NLRP10: variants seen among roughly 807,000 people sequenced by gnomAD.
NLRP10 encodes NLR family pyrin domain containing 10.
Under a neutral mutation model 8.2 loss-of-function variants are expected in NLRP10, and 7 were observed. The ratio of observed to expected loss-of-function variants is 0.85; its 90% CI spans 0.48 to 1.60. The LOEUF is 1.60. NLRP10 is among the 40% of genes most tolerant of loss of function. The pLI is 0.00. For synonymous variants in NLRP10, 338 were observed against 314.0 expected (o/e 1.08, Z -0.81); for missense variants, 814 against 776.3 (o/e 1.05, Z -0.58).
rs765060448 is a variant in NLRP10, at chr11:7,963,312, T to C, written c.184A>G (p.Ile62Val). Residue 62 changes from isoleucine to valine, a missense_variant, in exon 2 of 3, where the codon ATT (isoleucine) becomes GTT (valine). Transcript: ENST00000691676. ...LIPVDLAELL[I>V]SKYGEKEAVK... ...GCCTCCTTTTCTCCATACTTTGAAA[T>C]CAGTAATTCTGCCAGGTCCACCGGA... The C allele has an allele frequency of 3.1e-6, 5 of 1,614,208 alleles. No homozygotes were observed. The highest frequency in any genetic ancestry group is 4.2e-6 in the Non-Finnish European group (5 of 1,180,032).
In NLRP10 at chr11:7,960,357, C is replaced by T. The variant is rs1236333770; in HGVS notation, c.1255G>A (p.Glu419Lys). The T allele has an allele frequency of 6.2e-7, 1 of 1,614,100 alleles. No individual in the cohort carries two copies. The highest frequency in any genetic ancestry group is 1.7e-5 in the Admixed American group (1 of 60,036). ...AGGAACCTCTGGTGCTGAATCCCTT[C>T]AGCTGCTAGGGAGCACAGACTCCTC... ...VLRSLCSLAA[E>K]GIQHQRFLFE... Residue 419 changes from glutamate (E) to lysine (K), a missense_variant, in exon 3 of 3, where the codon GAA becomes AAA. Glu to Lys is a moderately conservative substitution (Grantham distance 56). Coordinates refer to ENST00000691676, the MANE Select transcript of NLRP10 (RefSeq NM_001391958.1).
chr11:7,961,570 G>A (rs935018140), intron 2 of NLRP10, among the ~76,000 whole-genome samples: 1 of 152,206 alleles, frequency 6.6e-6, no homozygotes, highest in Non-Finnish European at 1.5e-5. Flanking sequence ...GGATAGTTGT[G>A]CATGAATGCT....
Position 7,963,599 on chromosome 11 carries a change from G to C in NLRP10, c.-45-59C>G. On this transcript the variant is annotated intron_variant, in intron 1 of 2. Coordinates refer to ENST00000691676, the MANE Select transcript of NLRP10 (RefSeq NM_001391958.1). ...TGAGAGGCCCACCCTGCTTTCTGGG[G>C]GCTTGGCCAAGTTATAGAGCGGAGG... The C allele has an allele frequency of 8.5e-6, 9 of 1,054,988 alleles. No individual in the cohort carries two copies. The South Asian group carries it at 1.5e-4, about 17-fold the overall frequency. The allele number at this position is 1,054,988 out of a possible 1,614,324, so 65.4% of individuals were successfully genotyped here. A position where few individuals can be genotyped will look rare whatever the true frequency, so the allele number is the denominator to read the frequency against.
At position 7,961,248 on chromosome 11, in the gene NLRP10, T is replaced by C; in HGVS notation, c.364A>G (p.Asn122Asp). 6.2e-7 allele frequency: 1 copy of C among 1,612,806 alleles called. No individual in the cohort carries two copies. Among genetic ancestry groups the C allele is most frequent in the Non-Finnish European group, 8.5e-7 (1 of 1,179,208 alleles). ...WQEAGVNGRYNQVLLVAKPSS... is the reference protein window; with the variant it reads ...WQEAGVNGRYDQVLLVAKPSS... ...GGCTTGGCCACCAGGAGCACCTGGT[T>C]GTATCTGCCATTGACTCCTGCTTCC... Residue 122 changes from asparagine to aspartate, a missense_variant, in exon 3 of 3, where the codon AAC becomes GAC. Asn to Asp is a conservative substitution (Grantham distance 23, BLOSUM62 1). Transcript: ENST00000691676.
rs1381182659 is a variant in NLRP10, at chr11:7,960,573, G to T, written c.1039C>A (p.Leu347Ile). The change falls in exon 3 of 3, where the codon CTC becomes ATC. Residue 347 changes from leucine to isoleucine, a missense_variant. Transcript: ENST00000691676. ...CCTGGAACCTGACACGCTTTGTAGA[G>T]AATGTCATTTTTCTGTACAATGTCG... is the stretch of plus-strand genomic sequence containing the variant. ...AFDIVQKNDILYKACQVPGIC... is the reference protein window; with the variant it reads ...AFDIVQKNDIIYKACQVPGIC... 3 of 1,614,182 alleles carry T rather than the reference G, an allele frequency of 1.9e-6. No homozygotes were observed. In the East Asian group the frequency reaches 6.7e-5, roughly 36 times the overall value.
In NLRP10 at chr11:7,957,592, T is replaced by C. The variant is rs1941639808; in HGVS notation, c.*2052A>G. Among the ~76,000 whole-genome samples the C allele has an allele frequency of 6.6e-6, 1 of 152,246 alleles. No homozygotes were observed. Among genetic ancestry groups the C allele is most frequent in the Admixed American group, 6.5e-5 (1 of 15,292 alleles). On this transcript the variant is annotated 3_prime_UTR_variant, in exon 3 of 3. Coordinates refer to ENST00000691676, the MANE Select transcript of NLRP10 (RefSeq NM_001391958.1). ...AACTAATTATACTTCAATAAAACTT[T>C]TTTTAAATACAGAAAGTTCCTATAT... is the stretch of plus-strand genomic sequence containing the variant.
In NLRP10 at chr11:7,963,246, A is replaced by G. The variant is rs1206830844; in HGVS notation, c.250T>C (p.Leu84=). The G allele has an allele frequency of 1.9e-6, 3 of 1,614,066 alleles. No individual in the cohort carries two copies. The Admixed American group carries it at 5.0e-5, about 27-fold the overall frequency. Residue 84 remains leucine (L), a synonymous_variant, in exon 2 of 3, where the codon TTG becomes CTG. Transcript: ENST00000691676. ...TGGCTGAGCTGGTCCACAAGTTCCA[A>G]CAGGTTCATGACCTTCAAGCCCTTG... ...VLKGLKVMNL[L]ELVDQLSHIC... is the part of the protein sequence containing the mutation.
rs1362716955 is a variant in NLRP10 at position 7,958,487 on chromosome 11, C to A, written c.*1157G>T. Among the ~76,000 whole-genome samples the A allele has an allele frequency of 1.3e-5, 2 of 151,860 alleles. No homozygotes were observed. The highest frequency in any genetic ancestry group is 1.5e-5 in the Non-Finnish European group (1 of 68,012). ...CCTAATGACATATGAAGTTGAGCGT[C>A]TTTTCAAATATTTATTTGCCATCTG... On this transcript the variant is annotated 3_prime_UTR_variant, in exon 3 of 3. Coordinates refer to ENST00000691676, the MANE Select transcript of NLRP10 (RefSeq NM_001391958.1).
In NLRP10 at chr11:7,958,929, T is replaced by C. The variant is rs188667490; in HGVS notation, c.*715A>G. Among the ~76,000 whole-genome samples, 2 of 152,368 alleles carry C rather than the reference T, an allele frequency of 1.3e-5. No homozygotes were observed. Among genetic ancestry groups the C allele is most frequent in the Non-Finnish European group, 1.5e-5 (1 of 68,042 alleles). On this transcript the variant is annotated 3_prime_UTR_variant, in exon 3 of 3. Coordinates refer to ENST00000691676, the MANE Select transcript of NLRP10 (RefSeq NM_001391958.1). Reference sequence around the variant, plus strand: ...ATATTTTCTCCCAGTCTTTGGCTTATCTTTTCATTCTCTTAACAGTGTCTT... The same window carrying C: ...ATATTTTCTCCCAGTCTTTGGCTTACCTTTTCATTCTCTTAACAGTGTCTT...
In NLRP10 at chr11:7,961,123, T is replaced by C; in HGVS notation, c.489A>G (p.Ser163=). ...EALFDSGEKP[S]LAPSLVVLQG... ...GTAGCACAACTAAGGATGGGGCCAGTGAGGGCTTTTCCCCTGAATCAAATA... is the reference window on the plus strand; with the variant it reads ...GTAGCACAACTAAGGATGGGGCCAGCGAGGGCTTTTCCCCTGAATCAAATA... The change falls in exon 3 of 3, where the codon TCA becomes TCG. Residue 163 remains serine (S), a synonymous_variant. Transcript: ENST00000691676. 1.2e-6 allele frequency: 2 copies of C among 1,614,042 alleles called. No individual in the cohort carries two copies. Among genetic ancestry groups the C allele is most frequent in the Non-Finnish European group, 1.7e-6 (2 of 1,179,950 alleles).
In NLRP10 at chr11:7,959,496, A is replaced by T; in HGVS notation, c.*148T>A. Reference sequence around the variant, plus strand: ...TGGGATTGCATTGAATCTACAGATCAAACTGGGGAAAACTAACATCTTAAC... The same window carrying T: ...TGGGATTGCATTGAATCTACAGATCTAACTGGGGAAAACTAACATCTTAAC... On this transcript the variant is annotated 3_prime_UTR_variant, in exon 3 of 3. Transcript: ENST00000691676. 2 of 542,052 alleles carry T rather than the reference A, an allele frequency of 3.7e-6. No homozygotes were observed. Among genetic ancestry groups the T allele is most frequent in the Non-Finnish European group, 6.4e-6 (2 of 312,778 alleles). The allele number at this position is 542,052 out of a possible 1,614,324, so 33.6% of individuals were successfully genotyped here.
At chr11:7,963,670 C>T in intron 1 of NLRP10, 130 bp from the exon 2 acceptor site, 2 of 596,844 alleles carry the variant, frequency 3.4e-6, no homozygotes, top group Non-Finnish European at 5.9e-6. Context: ...GAAAGACAAG[C>T]AGATGAAACG....
chr11:7,961,861 A>G (rs1236452243), intron 2 of NLRP10, among the ~76,000 whole-genome samples: 1 of 152,150 alleles, frequency 6.6e-6, no homozygotes, highest in East Asian at 1.9e-4. Context: ...GTGATCCCCA[A>G]TGTTGGAGGC....
At position 7,960,148 on chromosome 11, in the gene NLRP10, C is replaced by T. The variant is rs1481207980; in HGVS notation, c.1464G>A (p.Gly488=). The T allele has an allele frequency of 1.9e-6, 3 of 1,614,172 alleles. No individual in the cohort carries two copies. Among genetic ancestry groups the T allele is most frequent in the Non-Finnish European group, 2.5e-6 (3 of 1,180,022 alleles). The stretch of plus-strand genomic sequence containing the variant: ...TTTGCACTTCTCTGCGGGACTCCTT[C>T]CCCAGCCGGCTTTGGTCCTCTTTCA... ...YLVKEDQSRL[G]KESRREVQRL... is the part of the protein sequence containing the mutation. Residue 488 remains glycine (G), a synonymous_variant, in exon 3 of 3, where the codon GGG becomes GGA. Transcript: ENST00000691676.
Position 7,960,816 on chromosome 11 carries a change from C to T in NLRP10, c.796G>A (p.Gly266Ser), listed in dbSNP as rs745440833. 36 of 1,614,012 alleles carry T rather than the reference C, an allele frequency of 2.2e-5. No homozygotes were observed. The East Asian group carries it at 8.0e-4, about 36-fold the overall frequency. Residue 266 changes from glycine to serine, a missense_variant, in exon 3 of 3, where the codon GGT becomes AGT. Physicochemically the swap from Gly to Ser is moderately conservative, Grantham distance 56 (BLOSUM62 0). Coordinates refer to ENST00000691676, the MANE Select transcript of NLRP10 (RefSeq NM_001391958.1). ...RPFEEKLKKRGLSPKESLLHL... is the reference protein window; with the variant it reads ...RPFEEKLKKRSLSPKESLLHL... ...AGCAGGCTCTCCTTGGGACTCAAAC[C>T]CCTCTTCTTCAACTTTTCTTCAAAG...
Position 7,960,384 on chromosome 11 carries a change from G to T in NLRP10, c.1228C>A (p.Leu410Met), listed in dbSNP as rs370557503. ...GCTGCTAGGGAGCACAGACTCCTCA[G>T]GACCCTGTGCCGGGAAAGCTCGGAG... is the stretch of plus-strand genomic sequence containing the variant. Reference protein sequence around the residue: ...GCSELSRHRVLRSLCSLAAEG... With the variant: ...GCSELSRHRVMRSLCSLAAEG... The change falls in exon 3 of 3, where the codon CTG (leucine) becomes ATG (methionine). Residue 410 changes from leucine (L) to methionine (M), a missense_variant. Transcript: ENST00000691676. 2 of 1,613,978 alleles carry T rather than the reference G, an allele frequency of 1.2e-6. No individual in the cohort carries two copies. The highest frequency in any genetic ancestry group is 2.7e-5 in the African/African-American group (2 of 74,924).
Position 7,960,670 on chromosome 11 carries a change from G to A in NLRP10, c.942C>T (p.Gly314=), listed in dbSNP as rs758991251. 6.2e-6 allele frequency: 10 copies of A among 1,614,080 alleles called. No individual in the cohort carries two copies. In the African/African-American group the frequency reaches 1.1e-4, roughly 17 times the overall value. Residue 314 remains glycine, a synonymous_variant, in exon 3 of 3, where the codon GGC becomes GGT. Transcript: ENST00000691676. Reference sequence around the variant, plus strand: ...ACCTCGCCCTCTCCTCCTCAGAGAAGCCTAGGATATGGACATGACGTGCTT... The same window carrying A: ...ACCTCGCCCTCTCCTCCTCAGAGAAACCTAGGATATGGACATGACGTGCTT... The part of the protein sequence containing the change: ...LKQARHVHIL[G]FSEEERARYF...
At position 7,965,233 on chromosome 11, in the gene NLRP10, C is replaced by G. The variant is rs1941798622; in HGVS notation, c.-46+13G>C. 6.6e-6 allele frequency: 1 copy of G among 152,228 alleles called. No homozygotes were observed. The highest frequency in any genetic ancestry group is 2.4e-5 in the African/African-American group (1 of 41,454). The allele number at this position is 152,228 out of a possible 1,614,324, so 9.4% of individuals were successfully genotyped here. ...AGAACCTGCCAAGAAGATGTCCAGTCTAGGCTGCTTACCACAGTTCAGACT... is the reference window on the plus strand; with the variant it reads ...AGAACCTGCCAAGAAGATGTCCAGTGTAGGCTGCTTACCACAGTTCAGACT... On this transcript the variant is annotated intron_variant, in intron 1 of 2. Transcript: ENST00000691676.
intron 2 of NLRP10, 136 bp downstream of exon 2, chr11:7,963,071 A>C (rs1468156917): frequency 2.5e-6 from 2 of 793,268 alleles, no homozygotes; most frequent in Non-Finnish European, 4.0e-6. Flanking sequence ...ACCACCAAGG[A>C]CTCTGGGGCA....
Sources: gnomAD v4.1 joint callset for allele counts (sites outside exome capture counted in the v4.1 genomes callset) on GRCh38, gnomAD v4.1.1 for gene constraint, MANE v1.5 for transcripts, NCBI Gene and HGNC (gene_info 2026-07-23, HGNC 2026-07-21) for gene names.